DYTN: variants seen among roughly 807,000 people sequenced by gnomAD.
The protein encoded by DYTN is dystrotelin.
Under a neutral mutation model 69.6 loss-of-function variants are expected in DYTN, and 75 were observed. The ratio of observed to expected loss-of-function variants is 1.08; its 90% confidence interval spans 0.89 to 1.31. The LOEUF is 1.31. Among genes scored for constraint, DYTN ranks in the 50% most tolerant of loss-of-function variants. The pLI is 0.00. For missense variants in DYTN, 726 were observed against 688.4 expected (o/e 1.05, Z -0.61); for synonymous variants, 252 against 249.1 (o/e 1.01, Z -0.11).
chr2:206,692,540 A>G (rs1449339397), intron 9 of DYTN, among the ~76,000 whole-genome samples: 2 of 152,198 alleles, frequency 1.3e-5, no homozygotes, highest in Admixed American at 1.3e-4. Flanking sequence ...AAAAATATTT[A>G]GATAAATGCA....
At chr2:206,658,990 T>C (rs1174543850) in intron 11 of DYTN, among the ~76,000 whole-genome samples, 1 of 151,584 alleles carries the variant, frequency 6.6e-6, no homozygotes, top group Non-Finnish European at 1.5e-5. Flanking sequence ...AGGACTTTTT[T>C]TTTTTTTTTT....
At chr2:206,705,290 G>A (rs972568453) in intron 4 of DYTN, among the ~76,000 whole-genome samples, 1 of 152,082 alleles carries the variant, frequency 6.6e-6, no homozygotes, top group Non-Finnish European at 1.5e-5. Flanking sequence ...TAGAGACAGG[G>A]TTTCTCCATG....
chr2:206,704,951 T>G lies in DYTN; in HGVS notation c.383-8A>C. ...CATAGAGTTGAAAAAGAGCTAGACA[T>G]GTAGGAGGAACAATCTTTAAATTGA... On this transcript the variant is annotated splice_region_variant and splice_polypyrimidine_tract_variant and intron_variant, in intron 4 of 11. Coordinates refer to ENST00000452335, the MANE Select transcript of DYTN (RefSeq NM_001093730.1). The G allele has an allele frequency of 6.2e-7, 1 of 1,609,174 alleles. No homozygotes were observed. Among genetic ancestry groups the G allele is most frequent in the Non-Finnish European group, 8.5e-7 (1 of 1,176,210 alleles).
rs1283327235 is a variant in DYTN at position 206,663,317 on chromosome 2, T to G, written c.1219A>C (p.Lys407Gln). The G allele has an allele frequency of 1.9e-6, 3 of 1,613,896 alleles. No homozygotes were observed. Among genetic ancestry groups the G allele is most frequent in the Non-Finnish European group, 2.5e-6 (3 of 1,179,902 alleles). Residue 407 changes from lysine (K) to glutamine (Q), a missense_variant, in exon 11 of 12, where the codon AAG becomes CAG. Transcript: ENST00000452335. ...GNKVDHSSTE[K>Q]VPKGGDYLQI... ...AAATAATCCCCTCCCTTTGGAACCT[T>G]TTCAGTTGAAGAATGGTCAACCTTG...
In DYTN at chr2:206,699,762, G is replaced by A. The variant is rs1023738821; in HGVS notation, c.684C>T (p.Cys228=). 6.2e-7 allele frequency: 1 copy of A among 1,613,816 alleles called. No individual in the cohort carries two copies. Among genetic ancestry groups the A allele is most frequent in the South Asian group, 1.1e-5 (1 of 91,074 alleles). ...TGATTGGGAAAGTCCTGCAGAGAGT[G>A]CACCGAGCAGGGTGAGTGACCCTTT... ...AAERVTHPAR[C]TLCRTFPITG... Residue 228 remains cysteine (C), a synonymous_variant, in exon 7 of 12, where the codon TGC becomes TGT. Transcript: ENST00000452335.
chr2:206,663,499 T>C, intron 10 of DYTN, 104 bp from the exon 11 acceptor site: 1 of 1,244,694 alleles, frequency 8.0e-7, no homozygotes. Flanking sequence ...ATGCAAGACT[T>C]TTCTTTCTCC....
chr2:206,699,770 C>T lies in DYTN; in HGVS notation c.676G>A (p.Ala226Thr). Residue 226 changes from alanine to threonine, a missense_variant, in exon 7 of 12, where the codon GCT (alanine) becomes ACT (threonine). By Grantham distance (58) the Ala-to-Thr change is moderately conservative. Coordinates refer to ENST00000452335, the MANE Select transcript of DYTN (RefSeq NM_001093730.1). The part of the protein sequence containing the change: ...LSAAERVTHP[A>T]RCTLCRTFPI... ...AAAGTCCTGCAGAGAGTGCACCGAG[C>T]AGGGTGAGTGACCCTTTCAGCAGCT... 6.2e-7 allele frequency: 1 copy of T among 1,613,784 alleles called. No homozygotes were observed. Among genetic ancestry groups the T allele is most frequent in the Non-Finnish European group, 8.5e-7 (1 of 1,179,802 alleles).
At chr2:206,702,239 T>C (rs1699983776) in intron 5 of DYTN, among the ~76,000 whole-genome samples, 1 of 152,244 alleles carries the variant, frequency 6.6e-6, no homozygotes, top group Admixed American at 6.5e-5. Context: ...CACAGATACA[T>C]GTACCTGTCA....
At chr2:206,677,051 A>G (rs1194884690) in intron 9 of DYTN, among the ~76,000 whole-genome samples, 2 of 152,202 alleles carry the variant, frequency 1.3e-5, no homozygotes, top group African/African-American at 4.8e-5. Flanking sequence ...GGTTCAAACA[A>G]TTCTCCTGCC....
At chr2:206,703,338 G>A (rs1161556473) in intron 5 of DYTN, among the ~76,000 whole-genome samples, 1 of 152,020 alleles carries the variant, frequency 6.6e-6, no homozygotes, top group Non-Finnish European at 1.5e-5. Context: ...GCCTTCCCAG[G>A]CCCCCACCTG....
chr2:206,659,205 C>T (rs1699480611), intron 11 of DYTN, among the ~76,000 whole-genome samples: 1 of 141,756 alleles, frequency 7.1e-6, no homozygotes, highest in Non-Finnish European at 1.5e-5. Flanking sequence ...GGAGTCTCAC[C>T]CTGTCGCCCA....
At chr2:206,671,526 T>A (rs1699629773) in intron 9 of DYTN, among the ~76,000 whole-genome samples, 1 of 152,180 alleles carries the variant, frequency 6.6e-6, no homozygotes, top group Non-Finnish European at 1.5e-5. Flanking sequence ...ACAACTCAAA[T>A]AATAATTGCA....
chr2:206,662,609 A>T (rs746022438), intron 11 of DYTN, among the ~76,000 whole-genome samples: 8 of 151,586 alleles, frequency 5.3e-5, no homozygotes, highest in African/African-American at 1.5e-4. Flanking sequence ...GGATACTGAT[A>T]ATAATAACAA....
At chr2:206,684,761 T>A (rs1438869583) in intron 9 of DYTN, among the ~76,000 whole-genome samples, 1 of 152,212 alleles carries the variant, frequency 6.6e-6, no homozygotes, top group Non-Finnish European at 1.5e-5. Context: ...TTTCTTCTTC[T>A]TCTTGAGTTT....
intron 9 of DYTN, among the ~76,000 whole-genome samples, chr2:206,674,493 T>C (rs1372143109): frequency 6.6e-6 from 1 of 152,068 alleles, no homozygotes; most frequent in African/African-American, 2.4e-5. Flanking sequence ...TGTTGAATAT[T>C]AGCAATTGTT....
chr2:206,680,574 C>T (rs527716392), intron 9 of DYTN, among the ~76,000 whole-genome samples: 1 of 152,192 alleles, frequency 6.6e-6, no homozygotes, highest in African/African-American at 2.4e-5. Flanking sequence ...GCAGCTAAAA[C>T]TTGTTCTTTT....
chr2:206,706,155 C>T (rs777138345), intron 3 of DYTN, among the ~76,000 whole-genome samples: 4 of 152,134 alleles, frequency 2.6e-5, no homozygotes, highest in Non-Finnish European at 4.4e-5. Flanking sequence ...CAGGGATAAA[C>T]CCTGTTTTCA....
intron 9 of DYTN, among the ~76,000 whole-genome samples, chr2:206,675,040 G>C (rs13382202): frequency 1.3e-5 from 2 of 150,392 alleles, no homozygotes; most frequent in East Asian, 3.9e-4. Flanking sequence ...TGAAAGATGT[G>C]GAGTCTTTCA....
chr2:206,688,529 C>T (rs771249958), intron 9 of DYTN, among the ~76,000 whole-genome samples: 2 of 152,098 alleles, frequency 1.3e-5, no homozygotes, highest in Non-Finnish European at 2.9e-5. Flanking sequence ...CTGGTTTGAC[C>T]TCAGCTGGGA....
Sources: allele counts gnomAD v4.1 joint callset (sites outside exome capture counted in the v4.1 genomes callset), GRCh38; gene constraint gnomAD v4.1.1; transcripts MANE v1.5; gene names NCBI Gene and HGNC (gene_info 2026-07-23, HGNC 2026-07-21).